The following MAGI1 variants were observed in gnomAD, a reference collection of about 807,000 sequenced individuals.
MAGI1 encodes the protein membrane-associated guanylate kinase, WW and PDZ domain-containing protein 1.
MAGI1 carries 58 observed loss-of-function variants against 139.9 expected under a neutral mutation model. The observed-to-expected ratio is 0.41, with a 90% confidence interval of 0.34 to 0.52. The LOEUF is 0.52. MAGI1 is among the 20% of genes least tolerant of loss of function. The pLI is 0.12. For synonymous variants in MAGI1, 812 were observed against 737.9 expected, an observed-to-expected ratio of 1.10 and a Z score of -1.63; for missense variants, 1,874 against 1,901.6, an observed-to-expected ratio of 0.99 and a Z score of 0.27.
At chr3:65,927,047 C>T (rs1012146024) in intron 1 of MAGI1, among the ~76,000 whole-genome samples, 1 of 152,096 alleles carries the variant, frequency 6.6e-6, no homozygotes, top group Non-Finnish European at 1.5e-5. Flanking sequence ...AATTGCCCAC[C>T]CCTTCCCTGG....
intron 2 of MAGI1, among the ~76,000 whole-genome samples, chr3:65,551,616 T>C (rs764551129): frequency 7.2e-5 from 11 of 152,150 alleles, no homozygotes; most frequent in Non-Finnish European, 1.0e-4. Flanking sequence ...CCTTTATAAA[T>C]TACCCAGTCT....
intron 1 of MAGI1, among the ~76,000 whole-genome samples, chr3:65,692,830 G>A (rs1252373053): frequency 6.6e-6 from 1 of 152,032 alleles, no homozygotes; most frequent in Non-Finnish European, 1.5e-5. Flanking sequence ...AGCCACCTTG[G>A]GACTGCAGAC....
intron 12 of MAGI1, among the ~76,000 whole-genome samples, chr3:65,425,108 T>TA (rs72030632): frequency 8.7e-4 from 58 of 66,556 alleles, no homozygotes; most frequent in South Asian, 2.4e-3. Flanking sequence ...GTAGAACTTC[T>TA]AAAAAAAAAA....
At chr3:65,387,033 C>G in intron 14 of MAGI1, 1 of 939,022 alleles carries the variant, frequency 1.1e-6, no homozygotes, top group East Asian at 2.5e-5. Context: ...CTTCATGCCC[C>G]TTTTTTCTTC....
intron 1 of MAGI1, among the ~76,000 whole-genome samples, chr3:65,738,778 TTC>T (rs1172509544): frequency 2.0e-5 from 3 of 152,220 alleles, no homozygotes; most frequent in Admixed American, 6.5e-5. Flanking sequence ...ATCTTTTTTC[TTC>T]TGAGGAAGTA....
chr3:65,535,189 G>A (rs893852959), intron 2 of MAGI1, among the ~76,000 whole-genome samples: 1 of 152,150 alleles, frequency 6.6e-6, no homozygotes, highest in Non-Finnish European at 1.5e-5. Flanking sequence ...GAAGTCTGAT[G>A]ATAGTGGAGA....
chr3:65,817,418 C>G (rs567607621), intron 1 of MAGI1, among the ~76,000 whole-genome samples: 1 of 152,112 alleles, frequency 6.6e-6, no homozygotes, highest in African/African-American at 2.4e-5. Context: ...AAGAAGACAT[C>G]ATTTATGGCT....
At chr3:65,767,147 T>C (rs1006656448) in intron 1 of MAGI1, among the ~76,000 whole-genome samples, 2 of 152,190 alleles carry the variant, frequency 1.3e-5, no homozygotes, top group African/African-American at 4.8e-5. Context: ...CTCCAGATCA[T>C]CAAGTCTGCC....
intron 1 of MAGI1, among the ~76,000 whole-genome samples, chr3:65,756,313 C>T (rs555787763): frequency 5.3e-5 from 8 of 152,146 alleles, no homozygotes; most frequent in South Asian, 2.1e-4. Flanking sequence ...AATGGTGGTG[C>T]ATGTCGGTGT....
At chr3:65,535,227 T>C (rs1438859207) in intron 2 of MAGI1, among the ~76,000 whole-genome samples, 3 of 152,116 alleles carry the variant, frequency 2.0e-5, no homozygotes, top group African/African-American at 7.2e-5. Flanking sequence ...TTAAAACAAT[T>C]TTCCTTTTTC....
In MAGI1 at chr3:65,383,793, G is replaced by T. The variant is rs111610990; in HGVS notation, c.2417-170C>A. Among the ~76,000 whole-genome samples the T allele has an allele frequency of 5.3e-4, 81 of 152,270 alleles. No individual in the cohort carries two copies. Among genetic ancestry groups the T allele is most frequent in the African/African-American group, 1.8e-3 (76 of 41,554 alleles). Reference sequence around the variant, plus strand: ...GAACAGGTGAAATAATGGAAGACACGGGGATAAACAGTGGGAATAGTCACT... The same window carrying T: ...GAACAGGTGAAATAATGGAAGACACTGGGATAAACAGTGGGAATAGTCACT... On this transcript the variant is annotated intron_variant, in intron 14 of 22. Transcript: ENST00000402939.
intron 1 of MAGI1, among the ~76,000 whole-genome samples, chr3:65,858,273 A>T (rs9843620): frequency 0.021 from 3,181 of 152,126 alleles, 43 homozygotes; most frequent in Middle Eastern, 0.065. Context: ...ATAATATGGT[A>T]AGTTGACAAA....
At position 65,470,243 on chromosome 3, in the gene MAGI1, A is replaced by AAG. The variant is rs572319957; in HGVS notation, c.959+38_959+39dup. On this transcript the variant is annotated intron_variant, in intron 5 of 22. Transcript: ENST00000402939. The stretch of plus-strand genomic sequence containing the variant: ...AGACAGAGGGAAGGAAGGGAAAAGA[A>AAG]AGAGAGAGAGATTTAGGTAGAAATA... 185 of 1,427,318 alleles carry AAG rather than the reference A, an allele frequency of 1.3e-4. 1 individual carries two copies. The East Asian group carries it at 4.1e-3, about 32-fold the overall frequency. The allele number at this position is 1,427,318 out of a possible 1,614,324, so 88.4% of individuals were successfully genotyped here.
Position 65,470,366 on chromosome 3 carries a change from A to C in MAGI1, c.876T>G (p.Pro292=). The change falls in exon 5 of 23, where the codon CCT becomes CCG. Residue 292 remains proline, a synonymous_variant. Coordinates refer to ENST00000402939, the MANE Select transcript of MAGI1 (RefSeq NM_001033057.2). The part of the protein sequence containing the change: ...DPSQKFPQYL[P]LSAEDNLGPL... The stretch of plus-strand genomic sequence containing the variant: ...GACCTAAATTATCCTCTGCAGAAAG[A>C]GGTAGGTATTGAGGGAACTTCTGAG... 1 of 1,613,768 alleles carries C rather than the reference A, an allele frequency of 6.2e-7. No homozygotes were observed.
chr3:65,831,788 T>C (rs1034206905), intron 1 of MAGI1, among the ~76,000 whole-genome samples: 1 of 152,194 alleles, frequency 6.6e-6, no homozygotes, highest in Non-Finnish European at 1.5e-5. Flanking sequence ...GAAATACATT[T>C]GCTTTAAAGA....
At chr3:65,403,794 G>T (rs1247057887) in intron 12 of MAGI1, among the ~76,000 whole-genome samples, 1 of 152,004 alleles carries the variant, frequency 6.6e-6, no homozygotes, top group Non-Finnish European at 1.5e-5. Flanking sequence ...TAAAATAAAG[G>T]GCATTTTTCA....
Position 65,493,274 on chromosome 3 carries a change from C to T in MAGI1, c.550+238G>A, listed in dbSNP as rs529282123. Among the ~76,000 whole-genome samples the T allele has an allele frequency of 1.4e-4, 21 of 152,218 alleles. No homozygotes were observed. The East Asian group carries it at 1.9e-3, about 14-fold the overall frequency. ...ATTAAAAACAAAACACACCCACATA[C>T]TTGAATAGGTAAATTAAAAAAGAAA... On this transcript the variant is annotated intron_variant, in intron 3 of 22. Coordinates refer to ENST00000402939, the MANE Select transcript of MAGI1 (RefSeq NM_001033057.2).
chr3:65,639,476 G>A (rs527541651), intron 1 of MAGI1, among the ~76,000 whole-genome samples: 1 of 152,144 alleles, frequency 6.6e-6, no homozygotes, highest in Admixed American at 6.5e-5. Context: ...TTTGAGTTTC[G>A]GGAAGTCATC....
At chr3:65,614,663 C>T (rs2083280835) in intron 2 of MAGI1, among the ~76,000 whole-genome samples, 1 of 152,054 alleles carries the variant, frequency 6.6e-6, no homozygotes, top group African/African-American at 2.4e-5. Context: ...ACAGTAATAA[C>T]TACCACTAGC....
Sources: allele counts gnomAD v4.1 joint callset (sites outside exome capture counted in the v4.1 genomes callset), GRCh38; gene constraint gnomAD v4.1.1; transcripts MANE v1.5; gene names NCBI Gene and HGNC (gene_info 2026-07-23, HGNC 2026-07-21).